The following PADI1 variants were observed in gnomAD, a reference collection of about 807,000 sequenced individuals.
PADI1 encodes protein-arginine deiminase type-1.
A neutral mutation model predicts 74.8 loss-of-function variants in PADI1; 65 were observed. The observed-to-expected ratio is 0.87, with a 90% CI of 0.71 to 1.07. PADI1 has a LOEUF of 1.07. PADI1 is among the 50% of genes least tolerant of loss of function. The pLI, the probability that PADI1 is intolerant of heterozygous loss-of-function variation, is 0.00. For missense variants in PADI1, 943 were observed against 854.0 expected, an observed-to-expected ratio of 1.10 and a Z score of -1.30; for synonymous variants, 371 against 336.2, an observed-to-expected ratio of 1.10 and a Z score of -1.13.
In PADI1 at chr1:17,228,652, A is replaced by G; in HGVS notation, c.680A>G (p.Gln227Arg). Residue 227 changes from glutamine to arginine, a missense_variant, in exon 7 of 16, where the codon CAG becomes CGG. Transcript: ENST00000375471. ...RGGNSLSDYKQVLGPQCLSYE... is the reference protein window; with the variant it reads ...RGGNSLSDYKRVLGPQCLSYE... ...GGGAATTCTCTCTCGGACTACAAAC[A>G]GGTGCTGGGGCCCCAGTGTCTGTCC... The G allele has an allele frequency of 1.2e-6, 2 of 1,614,192 alleles. No individual in the cohort carries two copies. Among genetic ancestry groups the G allele is most frequent in the African/African-American group, 2.7e-5 (2 of 75,062 alleles).
intron 15 of PADI1, among the ~76,000 whole-genome samples, chr1:17,243,519 A>G (rs2072818456): frequency 6.6e-6 from 1 of 152,236 alleles, no homozygotes; most frequent in South Asian, 2.1e-4. Flanking sequence ...CACATAAAAG[A>G]TGCTCAATAA....
intron 2 of PADI1, 72 bp downstream of exon 2, chr1:17,222,542 G>A: frequency 8.4e-7 from 1 of 1,196,684 alleles, no homozygotes; most frequent in Non-Finnish European, 1.2e-6. Flanking sequence ...CCCCACATTG[G>A]CAATTCCCAT....
Position 17,229,006 on chromosome 1 carries a change from T to A in PADI1, c.884T>A (p.Ile295Asn). 6.3e-7 allele frequency: 1 copy of A among 1,593,312 alleles called. No individual in the cohort carries two copies. The highest frequency in any genetic ancestry group is 8.6e-7 in the Non-Finnish European group (1 of 1,169,110). The change falls in exon 8 of 16, where the codon ATC becomes AAC. Residue 295 changes from isoleucine (I) to asparagine (N), a missense_variant. Transcript: ENST00000375471. ...GTGGGCTTCCGCATGGCCCCCTGGA[T>A]CATGACGCCCAACACTCAGCCTCCT... ...DTVGFRMAPW[I>N]MTPNTQPPEE...
intron 1 of PADI1, among the ~76,000 whole-genome samples, chr1:17,212,501 G>T (rs566922883): frequency 3.3e-5 from 5 of 151,996 alleles, no homozygotes; most frequent in Admixed American, 3.3e-4. Context: ...AGGACAGTTG[G>T]CAGGGAAGCA....
At chr1:17,210,297 C>G (rs932186286) in intron 1 of PADI1, among the ~76,000 whole-genome samples, 1 of 152,094 alleles carries the variant, frequency 6.6e-6, no homozygotes, top group African/African-American at 2.4e-5. Context: ...GCTAGGATTA[C>G]AGGCCTGAGC....
Position 17,222,385 on chromosome 1 carries a change from T to C in PADI1, c.188T>C (p.Ile63Thr). Residue 63 changes from isoleucine (I) to threonine (T), a missense_variant, in exon 2 of 16, where the codon ATA becomes ACA. Coordinates refer to ENST00000375471, the MANE Select transcript of PADI1 (RefSeq NM_013358.3). ...VYNRTRVKEP[I>T]GKARWPLDTD... ...AACCGCACACGTGTGAAAGAGCCCA[T>C]AGGCAAGGCCCGTTGGCCGCTAGAC... The C allele has an allele frequency of 6.2e-7, 1 of 1,614,030 alleles. No individual in the cohort carries two copies. The highest frequency in any genetic ancestry group is 1.1e-5 in the South Asian group (1 of 91,082).
intron 10 of PADI1, among the ~76,000 whole-genome samples, 190 bp from the exon 11 acceptor site, chr1:17,232,629 T>C (rs2072518502): frequency 6.6e-6 from 1 of 152,196 alleles, no homozygotes; most frequent in South Asian, 2.1e-4. Context: ...TGGTTATTGA[T>C]TTGTCTTTAA....
chr1:17,236,961 G>C (rs1191015449), intron 11 of PADI1, among the ~76,000 whole-genome samples: 1 of 152,234 alleles, frequency 6.6e-6, no homozygotes, highest in African/African-American at 2.4e-5. Flanking sequence ...TGGTGGGCCT[G>C]GAGCCAAGTG....
rs2072834878 is a variant in PADI1 at position 17,244,188 on chromosome 1, G to A, written c.1937G>A (p.Gly646Asp). Residue 646 changes from glycine (G) to aspartate (D), a missense_variant, in exon 16 of 16, where the codon GGC becomes GAC. Gly to Asp is a moderately conservative substitution (Grantham distance 94). Transcript: ENST00000375471. ...GAGCTGCAGGGGGAGATCCACTGTGGCACCAACGTGCGCAGGAAGCCCTTT... is the reference window on the plus strand; with the variant it reads ...GAGCTGCAGGGGGAGATCCACTGTGACACCAACGTGCGCAGGAAGCCCTTT... ...YHELQGEIHCGTNVRRKPFPF... is the reference protein window; with the variant it reads ...YHELQGEIHCDTNVRRKPFPF... 1 of 1,614,074 alleles carries A rather than the reference G, an allele frequency of 6.2e-7. No homozygotes were observed. Among genetic ancestry groups the A allele is most frequent in the Non-Finnish European group, 8.5e-7 (1 of 1,180,042 alleles).
At chr1:17,217,970 T>C (rs2100426938) in intron 1 of PADI1, among the ~76,000 whole-genome samples, 1 of 152,352 alleles carries the variant, frequency 6.6e-6, no homozygotes, top group African/African-American at 2.4e-5. Flanking sequence ...AGCAAAGAGG[T>C]TGCTCATATC....
chr1:17,239,520 G>T, intron 13 of PADI1, 184 bp from the exon 14 acceptor site: 1 of 563,826 alleles, frequency 1.8e-6, no homozygotes, highest in Non-Finnish European at 3.2e-6. Context: ...TCCATCACCA[G>T]GTTTTCCTTG....
intron 11 of PADI1, among the ~76,000 whole-genome samples, chr1:17,235,456 C>T (rs1015564418): frequency 6.6e-6 from 1 of 152,080 alleles, no homozygotes. Context: ...ACCGGTAGGA[C>T]CTCAGGCAGG....
chr1:17,231,850 G>A (rs1018941117), intron 10 of PADI1, among the ~76,000 whole-genome samples: 2 of 151,612 alleles, frequency 1.3e-5, no homozygotes, highest in African/African-American at 2.4e-5. Context: ...CCATTAACTC[G>A]GCATTTACAT....
At chr1:17,238,769 G>C in intron 13 of PADI1, 60 bp downstream of exon 13, 1 of 835,180 alleles carries the variant, frequency 1.2e-6, no homozygotes. Context: ...CCATCCTTGG[G>C]TACAGCCCCT....
chr1:17,207,126 G>T (rs1013904094), intron 1 of PADI1, among the ~76,000 whole-genome samples: 6 of 151,960 alleles, frequency 3.9e-5, no homozygotes, highest in African/African-American at 1.5e-4. Context: ...TTTCTAGAAG[G>T]TGATTTCAGA....
intron 15 of PADI1, among the ~76,000 whole-genome samples, chr1:17,241,903 G>A (rs374367503): frequency 3.3e-5 from 5 of 149,422 alleles, no homozygotes; most frequent in East Asian, 2.0e-4. Context: ...AGTGAATGTC[G>A]GAATCGGCAT....
At chr1:17,218,939 G>A (rs1047016789) in intron 1 of PADI1, among the ~76,000 whole-genome samples, 34 of 152,176 alleles carry the variant, frequency 2.2e-4, no homozygotes, top group Non-Finnish European at 5.0e-4. Context: ...GAGGTTGAAG[G>A]CTCTGAGTGA....
At chr1:17,211,160 A>C (rs2100400909) in intron 1 of PADI1, among the ~76,000 whole-genome samples, 1 of 151,932 alleles carries the variant, frequency 6.6e-6, no homozygotes, top group Admixed American at 6.5e-5. Flanking sequence ...TGCCTTTCAG[A>C]TGCCCTCTGT....
At chr1:17,210,412 C>T (rs1295528842) in intron 1 of PADI1, among the ~76,000 whole-genome samples, 1 of 152,008 alleles carries the variant, frequency 6.6e-6, no homozygotes, top group Non-Finnish European at 1.5e-5. Flanking sequence ...GACTTGGACT[C>T]TAAATTCAGG....
Sources: allele counts gnomAD v4.1 joint callset (sites outside exome capture counted in the v4.1 genomes callset), GRCh38; gene constraint gnomAD v4.1.1; transcripts MANE v1.5; gene names NCBI Gene and HGNC (gene_info 2026-07-23, HGNC 2026-07-21).